Variants in DNAJB11 observed in about 807,000 individuals in gnomAD.
DNAJB11 encodes DnaJ heat shock protein family (Hsp40) member B11, also known as dnaJ homolog subfamily B member 11.
In DNAJB11, 30 loss-of-function variants were observed where a neutral mutation model predicts 47.2. The ratio of observed to expected loss-of-function variants is 0.64; its 90% CI spans 0.48 to 0.86. The LOEUF (loss-of-function observed/expected upper bound fraction) is 0.86, where lower values mean the gene tolerates loss of function less well. DNAJB11 is among the 40% of genes least tolerant of loss of function. The pLI is 0.00. For missense variants in DNAJB11, 357 were observed against 440.2 expected (o/e 0.81, Z 1.69); for synonymous variants, 151 against 159.9 (o/e 0.94, Z 0.42).
At chr3:186,572,305 C>CA (rs1715096750) in intron 2 of DNAJB11, 54 bp downstream of exon 2, 1 of 1,486,594 alleles carries the variant, frequency 6.7e-7, no homozygotes, top group Admixed American at 2.1e-5. Context: ...CTAGAAAAAA[C>CA]ATACAATACA....
chr3:186,579,877 G>A (rs574925979), intron 4 of DNAJB11: 44 of 152,292 alleles, frequency 2.9e-4, no homozygotes, highest in African/African-American at 9.9e-4. Flanking sequence ...ATGTTTTCTT[G>A]TAGTTTTTCC....
At chr3:186,578,332 C>T (rs1715369832) in intron 4 of DNAJB11, 2 of 151,956 alleles carry the variant, frequency 1.3e-5, no homozygotes, top group Non-Finnish European at 1.5e-5. Flanking sequence ...TTCCAAACAG[C>T]GCTTTTATGA....
chr3:186,571,988 C>T, intron 1 of DNAJB11, 107 bp from the exon 2 acceptor site: 8 of 937,914 alleles, frequency 8.5e-6, no homozygotes, highest in South Asian at 2.2e-5. Flanking sequence ...ATTTTTATAC[C>T]TCTTTGCTCA....
In DNAJB11 at chr3:186,581,421, C is replaced by T; in HGVS notation, c.507C>T (p.Cys169=). Reference sequence around the variant, plus strand: ...GGCAGGCTCCTGGCAAACGGAAGTGCAATTGTCGGCAAGAGATGCGGACCA... The same window carrying T: ...GGCAGGCTCCTGGCAAACGGAAGTGTAATTGTCGGCAAGAGATGCGGACCA... ...VARQAPGKRK[C]NCRQEMRTTQ... Residue 169 remains cysteine (C), a synonymous_variant, in exon 5 of 10, where the codon TGC becomes TGT. Coordinates refer to ENST00000265028, the MANE Select transcript of DNAJB11 (RefSeq NM_016306.6). 6.2e-7 allele frequency: 1 copy of T among 1,613,892 alleles called. No individual in the cohort carries two copies. The highest frequency in any genetic ancestry group is 8.5e-7 in the Non-Finnish European group (1 of 1,179,972).
chr3:186,573,275 A>G (rs1322797232), intron 2 of DNAJB11, among the ~76,000 whole-genome samples: 1 of 152,218 alleles, frequency 6.6e-6, no homozygotes, highest in Non-Finnish European at 1.5e-5. Flanking sequence ...CAAGATCTCT[A>G]GATTAAAGAA....
At chr3:186,572,928 G>C (rs1242021349) in intron 2 of DNAJB11, among the ~76,000 whole-genome samples, 1 of 152,068 alleles carries the variant, frequency 6.6e-6, no homozygotes, top group East Asian at 1.9e-4. Context: ...TATGAGTTCT[G>C]CTTGTAAAAG....
chr3:186,574,762 G>C (rs1226411942), intron 2 of DNAJB11, among the ~76,000 whole-genome samples: 1 of 152,174 alleles, frequency 6.6e-6, no homozygotes, highest in Non-Finnish European at 1.5e-5. Flanking sequence ...TGTGTCCTGT[G>C]TGAATATGCC....
At chr3:186,584,078 C>G (rs145385201) in intron 8 of DNAJB11, 102 bp downstream of exon 8, 2 of 837,568 alleles carry the variant, frequency 2.4e-6, no homozygotes, top group Non-Finnish European at 4.0e-6. Context: ...AGATGGACTC[C>G]TTTCTTGGTC....
intron 2 of DNAJB11, 141 bp from the exon 3 acceptor site, chr3:186,575,699 C>G: frequency 1.7e-6 from 1 of 596,130 alleles, no homozygotes; most frequent in Non-Finnish European, 3.0e-6. Flanking sequence ...GTAAATATGC[C>G]TTAATACAGT....
chr3:186,583,353 C>T (rs766516984), intron 7 of DNAJB11, among the ~76,000 whole-genome samples: 9 of 152,230 alleles, frequency 5.9e-5, no homozygotes, highest in African/African-American at 1.9e-4. Context: ...CCTTCCTGCA[C>T]TCTTTAATCT....
chr3:186,577,567 G>A (rs1297129521), intron 3 of DNAJB11, 101 bp from the exon 4 acceptor site: 1 of 1,141,658 alleles, frequency 8.8e-7, no homozygotes, highest in African/African-American at 1.6e-5. Flanking sequence ...ACAATGCATT[G>A]ATAGAAACAA....
intron 3 of DNAJB11, among the ~76,000 whole-genome samples, chr3:186,576,879 G>A (rs2108478900): frequency 6.6e-6 from 1 of 152,196 alleles, no homozygotes; most frequent in African/African-American, 2.4e-5. Flanking sequence ...TAAGATTCAG[G>A]GAATTCATTC....
intron 6 of DNAJB11, 34 bp from the exon 7 acceptor site, chr3:186,582,682 T>C: frequency 6.5e-7 from 1 of 1,545,876 alleles, no homozygotes; most frequent in Non-Finnish European, 8.8e-7. Context: ...TCAACTTGTA[T>C]GATTTACAAT....
chr3:186,571,026 A>AGGG (rs1715029452), intron 1 of DNAJB11, 61 bp downstream of exon 1: 1 of 217,330 alleles, frequency 4.6e-6, no homozygotes, highest in Non-Finnish European at 8.8e-6. Context: ...GGGGGGTGGG[A>AGGG]GGGGGTGGGG....
chr3:186,570,797 G>A lies in DNAJB11; in HGVS notation c.-101G>A. ...ACCAAGGAGACCCCCGCGCCCCCCC[G>A]GTGTGAGGCGGCCTCACAGGGCCGG... On this transcript the variant is annotated 5_prime_UTR_variant, in exon 1 of 10. Coordinates refer to ENST00000265028, the MANE Select transcript of DNAJB11 (RefSeq NM_016306.6). The A allele has an allele frequency of 2.7e-6, 3 of 1,093,416 alleles. No homozygotes were observed. The Middle Eastern group carries it at 6.0e-4, about 219-fold the overall frequency. 67.7% of individuals were successfully genotyped at this position (1,093,416 alleles called of 1,614,324 possible).
intron 5 of DNAJB11, among the ~76,000 whole-genome samples, 179 bp from the exon 6 acceptor site, chr3:186,581,816 T>C (rs1165980720): frequency 6.6e-6 from 1 of 152,186 alleles, no homozygotes; most frequent in Non-Finnish European, 1.5e-5. Context: ...GTATAGTAGC[T>C]TCACCCTGGA....
intron 7 of DNAJB11, among the ~76,000 whole-genome samples, chr3:186,583,291 C>T (rs773238800): frequency 1.1e-4 from 16 of 152,230 alleles, no homozygotes; most frequent in Non-Finnish European, 2.2e-4. Context: ...GTCATCAAAA[C>T]AGGGTTCCCA....
chr3:186,582,699 T>C lies in DNAJB11; in HGVS notation c.683-17T>C, dbSNP rs768786940. The C allele has an allele frequency of 4.4e-6, 7 of 1,579,624 alleles. No homozygotes were observed. In the South Asian group the frequency reaches 8.1e-5, roughly 18 times the overall value. On this transcript the variant is annotated splice_polypyrimidine_tract_variant and intron_variant, in intron 6 of 9. Coordinates refer to ENST00000265028, the MANE Select transcript of DNAJB11 (RefSeq NM_016306.6). Reference sequence around the variant, plus strand: ...AACTTGTATGATTTACAATATGCTGTAATCTGCTCTGACTAGGTGAGCCTC... The same window carrying C: ...AACTTGTATGATTTACAATATGCTGCAATCTGCTCTGACTAGGTGAGCCTC...
chr3:186,573,928 C>A (rs1393513625), intron 2 of DNAJB11, among the ~76,000 whole-genome samples: 1 of 152,200 alleles, frequency 6.6e-6, no homozygotes, highest in Admixed American at 6.5e-5. Flanking sequence ...CCTAGGCAGG[C>A]TATACAAAGG....
Sources: allele counts gnomAD v4.1 joint callset (sites outside exome capture counted in the v4.1 genomes callset), GRCh38; gene constraint gnomAD v4.1.1; transcripts MANE v1.5; gene names NCBI Gene and HGNC (gene_info 2026-07-23, HGNC 2026-07-21).